Variants in JAKMIP2 observed in about 807,000 individuals in gnomAD.
The protein encoded by JAKMIP2 is janus kinase and microtubule-interacting protein 2.
Under a neutral mutation model 115.0 loss-of-function variants are expected in JAKMIP2, and 25 were observed. The observed-to-expected ratio is 0.22, with a 90% CI of 0.16 to 0.30. JAKMIP2 has a LOEUF of 0.30. Ranked by LOEUF, JAKMIP2 falls within the 10% of genes least tolerant of loss-of-function variation. JAKMIP2 has a pLI of 1.00. For missense variants in JAKMIP2, 642 were observed against 957.6 expected, an observed-to-expected ratio of 0.67 and a Z score of 4.35; for synonymous variants, 334 against 343.6, an observed-to-expected ratio of 0.97 and a Z score of 0.31.
intron 2 of JAKMIP2, among the ~76,000 whole-genome samples, chr5:147,664,072 T>C (rs1412673041): frequency 6.6e-6 from 1 of 152,258 alleles, no homozygotes; most frequent in Non-Finnish European, 1.5e-5. Flanking sequence ...TAAATTATTC[T>C]AAACGATATT....
intron 19 of JAKMIP2, among the ~76,000 whole-genome samples, chr5:147,614,117 T>A (rs994098542): frequency 6.6e-6 from 1 of 152,188 alleles, no homozygotes; most frequent in Non-Finnish European, 1.5e-5. Context: ...ATTACTGCAG[T>A]ATCCATTCAG....
chr5:147,623,495 A>G (rs1359608074), intron 17 of JAKMIP2, 126 bp downstream of exon 17: 3 of 586,494 alleles, frequency 5.1e-6, no homozygotes, highest in Non-Finnish European at 9.1e-6. Flanking sequence ...TCTTCTGTAC[A>G]TAAAATAATA....
chr5:147,588,060 A>G lies in JAKMIP2; in HGVS notation c.*3647T>C, dbSNP rs1161413951. The G allele has an allele frequency of 6.6e-6, 1 of 152,088 alleles. No homozygotes were observed. The highest frequency in any genetic ancestry group is 2.4e-5 in the African/African-American group (1 of 41,408). The allele number at this position is 152,088 out of a possible 1,614,324, so 9.4% of individuals were successfully genotyped here. Reference sequence around the variant, plus strand: ...CAGAAGGGTTGTAATTTTTTTCAGCAAATTCTATTTCCTAAAAGTAGGGTG... The same window carrying G: ...CAGAAGGGTTGTAATTTTTTTCAGCGAATTCTATTTCCTAAAAGTAGGGTG... On this transcript the variant is annotated 3_prime_UTR_variant, in exon 22 of 22. Transcript: ENST00000616793.
At chr5:147,646,178 T>A (rs1758123037) in intron 5 of JAKMIP2, among the ~76,000 whole-genome samples, 1 of 152,164 alleles carries the variant, frequency 6.6e-6, no homozygotes, top group Non-Finnish European at 1.5e-5. Flanking sequence ...ATTTGTAAAA[T>A]CTCATCTTAC....
At chr5:147,623,100 A>C (rs1236654506) in intron 17 of JAKMIP2, among the ~76,000 whole-genome samples, 1 of 152,054 alleles carries the variant, frequency 6.6e-6, no homozygotes, top group African/African-American at 2.4e-5. Context: ...TTTTTTGTAG[A>C]GATGGGTTCT....
rs143906086 is a variant in JAKMIP2, at chr5:147,593,685, A to G, written c.*21-1999T>C. On this transcript the variant is annotated intron_variant, in intron 21 of 21. Coordinates refer to ENST00000616793, the MANE Select transcript of JAKMIP2 (RefSeq NM_001270941.2). ...TGAGAAGTTGGGGGACCAACCTAAT[A>G]TTTAATTAAAAGATGAGAGAGGGAA... Among the ~76,000 whole-genome samples, 3 of 152,312 alleles carry G rather than the reference A, an allele frequency of 2.0e-5. No homozygotes were observed. The East Asian group carries it at 5.8e-4, about 29-fold the overall frequency.
At chr5:147,778,972 C>T (rs1755661636) in intron 1 of JAKMIP2, among the ~76,000 whole-genome samples, 1 of 152,106 alleles carries the variant, frequency 6.6e-6, no homozygotes, top group African/African-American at 2.4e-5. Flanking sequence ...TTGCAACACA[C>T]TTCACAGAGT....
At chr5:147,597,993 CT>C (rs56665577) in intron 21 of JAKMIP2, among the ~76,000 whole-genome samples, 137,711 of 146,772 alleles carry the variant, frequency 0.94, 65,011 homozygotes, top group Non-Finnish European at 1. Flanking sequence ...CTTCTTATTC[CT>C]TTTTTTTTTT....
chr5:147,670,491 C>T (rs536386336), intron 2 of JAKMIP2, among the ~76,000 whole-genome samples: 1 of 152,186 alleles, frequency 6.6e-6, no homozygotes, highest in South Asian at 2.1e-4. Context: ...ACATGACCCT[C>T]TCTGATATTC....
chr5:147,742,239 G>A (rs1388923626), intron 1 of JAKMIP2, among the ~76,000 whole-genome samples: 1 of 150,188 alleles, frequency 6.7e-6, no homozygotes, highest in East Asian at 2.0e-4. Flanking sequence ...AAGATAACGA[G>A]AGACATCCTG....
At chr5:147,752,018 A>G (rs561602969) in intron 1 of JAKMIP2, among the ~76,000 whole-genome samples, 1 of 152,326 alleles carries the variant, frequency 6.6e-6, no homozygotes, top group East Asian at 1.9e-4. Flanking sequence ...ATTAATAAAT[A>G]AGAGACTTTC....
chr5:147,676,194 G>A (rs1759948207), intron 1 of JAKMIP2, among the ~76,000 whole-genome samples: 1 of 152,184 alleles, frequency 6.6e-6, no homozygotes, highest in Non-Finnish European at 1.5e-5. Flanking sequence ...AAATTAGCCG[G>A]ACGTGGCGGC....
chr5:147,614,479 TC>T (rs1756479055), intron 19 of JAKMIP2, among the ~76,000 whole-genome samples: 1 of 152,234 alleles, frequency 6.6e-6, no homozygotes, highest in Non-Finnish European at 1.5e-5. Flanking sequence ...ACATTCCTTT[TC>T]TACCTACTTC....
At chr5:147,657,279 C>CAAACAAAACA (rs58500462) in intron 3 of JAKMIP2, among the ~76,000 whole-genome samples, 5 of 151,478 alleles carry the variant, frequency 3.3e-5, no homozygotes, top group East Asian at 2.0e-4. Flanking sequence ...GACTCCGTCT[C>CAAACAAAACA]AAACAAAACA....
chr5:147,662,862 G>A (rs928834380), intron 2 of JAKMIP2, among the ~76,000 whole-genome samples: 12 of 152,042 alleles, frequency 7.9e-5, no homozygotes, highest in African/African-American at 2.9e-4. Context: ...GCAGGCACCT[G>A]TAGTCCCAGA....
intron 1 of JAKMIP2, among the ~76,000 whole-genome samples, chr5:147,764,897 A>G (rs1177399071): frequency 1.1e-5 from 1 of 91,910 alleles, no homozygotes; most frequent in Non-Finnish European, 2.0e-5. Context: ...AGGGAAAGAA[A>G]GAAAGAAAGA....
chr5:147,588,357 C>T lies in JAKMIP2; in HGVS notation c.*3350G>A, dbSNP rs989646209. 6.6e-6 allele frequency: 1 copy of T among 150,694 alleles called. No homozygotes were observed. The highest frequency in any genetic ancestry group is 1.5e-5 in the Non-Finnish European group (1 of 67,868). 9.3% of individuals were successfully genotyped at this position (150,694 alleles called of 1,614,324 possible). On this transcript the variant is annotated 3_prime_UTR_variant, in exon 22 of 22. Transcript: ENST00000616793. ...ACAAACTCAGTAGCCAAATGCATCT[C>T]GGTAGTACAGATGCAGAAGTGGGGC...
intron 15 of JAKMIP2, 38 bp from the exon 16 acceptor site, chr5:147,628,854 G>T (rs1207750069): frequency 1.0e-5 from 15 of 1,486,438 alleles, no homozygotes; most frequent in Non-Finnish European, 1.2e-5. Flanking sequence ...TGAACATACT[G>T]ACATTATTTA....
chr5:147,778,745 A>G (rs539970201), intron 1 of JAKMIP2, among the ~76,000 whole-genome samples: 61 of 152,236 alleles, frequency 4.0e-4, no homozygotes, highest in African/African-American at 1.4e-3. Context: ...TATAAGGTGA[A>G]GTGATGGTAC....
Sources: gnomAD v4.1 joint callset for allele counts (sites outside exome capture counted in the v4.1 genomes callset) on GRCh38, gnomAD v4.1.1 for gene constraint, MANE v1.5 for transcripts, NCBI Gene and HGNC (gene_info 2026-07-23, HGNC 2026-07-21) for gene names.